Variants in TCF3 observed in about 807,000 individuals in gnomAD.
The protein encoded by TCF3 is transcription factor 3, also known as transcription factor E2-alpha.
A neutral mutation model predicts 72.3 loss-of-function variants in TCF3; 54 were observed. The observed-to-expected ratio is 0.75, with a 90% CI of 0.60 to 0.94. The LOEUF (loss-of-function observed/expected upper bound fraction) is 0.94, where lower values mean the gene tolerates loss of function less well. TCF3 is among the 40% of genes least tolerant of loss of function. The pLI is 0.00. For missense variants in TCF3, 1,078 were observed against 934.4 expected (o/e 1.15, Z -2.00); for synonymous variants, 525 against 412.6 (o/e 1.27, Z -3.30).
chr19:1,627,342 C>T lies in TCF3; in HGVS notation c.366+17G>A, dbSNP rs370834699. The T allele has an allele frequency of 1.8e-4, 290 of 1,601,156 alleles. No homozygotes were observed. In the African/African-American group the frequency reaches 3.1e-3, roughly 17 times the overall value. On this transcript the variant is annotated intron_variant, in intron 6 of 18. Transcript: ENST00000262965. Reference sequence around the variant, plus strand: ...TTTAAAATCAAAATACACCCCAGCCCGGCCCGAGCCCCTCACCTGAGTCAG... The same window carrying T: ...TTTAAAATCAAAATACACCCCAGCCTGGCCCGAGCCCCTCACCTGAGTCAG...
chr19:1,620,537 G>C (rs72989732), intron 13 of TCF3, among the ~76,000 whole-genome samples: 1 of 152,196 alleles, frequency 6.6e-6, no homozygotes, highest in Non-Finnish European at 1.5e-5. Flanking sequence ...TGGCCCCATC[G>C]GACCTGGGAG....
At chr19:1,623,859 CCCG>C (rs1481325633) in intron 8 of TCF3, 89 bp downstream of exon 8, 16 of 1,355,046 alleles carry the variant, frequency 1.2e-5, no homozygotes, top group Non-Finnish European at 1.5e-5. Context: ...CAGGGCCCAC[CCCG>C]CCATGTGTGT....
At chr19:1,632,840 A>G (rs932594197) in intron 3 of TCF3, among the ~76,000 whole-genome samples, 2 of 152,162 alleles carry the variant, frequency 1.3e-5, no homozygotes, top group African/African-American at 2.4e-5. Context: ...TGACAGCATG[A>G]GGGTGTGGAA....
chr19:1,630,929 G>A (rs937820847), intron 5 of TCF3, among the ~76,000 whole-genome samples: 2 of 152,226 alleles, frequency 1.3e-5, no homozygotes, highest in African/African-American at 4.8e-5. Context: ...GACCGCACAC[G>A]GGACACTGTC....
Position 1,622,299 on chromosome 19 carries a change from G to T in TCF3, c.652+14C>A. ...GCCCTACCGTCCCTGGCGAGCCCCC[G>T]CCCTGCCATGTACCTGCCACGTAGA... is the stretch of plus-strand genomic sequence containing the variant. On this transcript the variant is annotated intron_variant, in intron 9 of 18. Transcript: ENST00000262965. The T allele has an allele frequency of 6.6e-7, 1 of 1,515,568 alleles. No homozygotes were observed. 93.9% of individuals were successfully genotyped at this position (1,515,568 alleles called of 1,614,324 possible).
chr19:1,635,422 C>G (rs1000092749), intron 3 of TCF3, among the ~76,000 whole-genome samples: 13 of 152,216 alleles, frequency 8.5e-5, no homozygotes, highest in Admixed American at 7.2e-4. Flanking sequence ...TCATGGCTCC[C>G]CACCGTCCTC....
chr19:1,619,505 C>T, intron 14 of TCF3, 31 bp from the exon 15 acceptor site: 2 of 1,552,238 alleles, frequency 1.3e-6, no homozygotes, highest in South Asian at 2.3e-5. Context: ...TGGTGAGGGG[C>T]CCAAGCCGAG....
rs374369659 is a variant in TCF3, at chr19:1,619,513, G to A, written c.1168-39C>T. 100 of 1,547,490 alleles carry A rather than the reference G, an allele frequency of 6.5e-5. No individual in the cohort carries two copies. In the African/African-American group the frequency reaches 9.5e-4, roughly 15 times the overall value. ...GGATGGGTGGTGAGGGGCCCAAGCC[G>A]AGGGACCCCACAGGCCTCCATTCAT... On this transcript the variant is annotated intron_variant, in intron 14 of 18. Coordinates refer to ENST00000262965, the MANE Select transcript of TCF3 (RefSeq NM_003200.5).
intron 16 of TCF3, among the ~76,000 whole-genome samples, chr19:1,617,437 T>C (rs1342164726): frequency 2.0e-5 from 3 of 152,140 alleles, no homozygotes; most frequent in African/African-American, 7.2e-5. Flanking sequence ...TTGCAAAACA[T>C]GTGGCTTAAG....
At position 1,621,178 on chromosome 19, in the gene TCF3, G is replaced by A. The variant is rs2062156678; in HGVS notation, c.969C>T (p.Thr323=). Residue 323 remains threonine, a synonymous_variant, in exon 12 of 19, where the codon ACC becomes ACT. Coordinates refer to ENST00000262965, the MANE Select transcript of TCF3 (RefSeq NM_003200.5). ...GGGCATCCCCGGAGCTGCCAGCTGT[G>A]GTCCCTCGGGAGCCTGTGGGTGAAG... ...GADSLLGSRG[T]TAGSSGDALG... is the part of the protein sequence containing the mutation. 6.5e-7 allele frequency: 1 copy of A among 1,537,154 alleles called. No individual in the cohort carries two copies. Among genetic ancestry groups the A allele is most frequent in the Non-Finnish European group, 8.7e-7 (1 of 1,146,178 alleles).
At chr19:1,618,554 G>A (rs575926360) in intron 16 of TCF3, among the ~76,000 whole-genome samples, 2 of 96,300 alleles carry the variant, frequency 2.1e-5, no homozygotes, top group South Asian at 3.9e-4. Flanking sequence ...CCAACCCCAC[G>A]GGTCTCCTGG....
intron 2 of TCF3, among the ~76,000 whole-genome samples, chr19:1,648,955 A>T (rs532411560): frequency 6.6e-6 from 1 of 152,180 alleles, no homozygotes; most frequent in African/African-American, 2.4e-5. Context: ...CCGGGCCTTT[A>T]CAGCACCCGT....
chr19:1,630,368 T>A (rs2063556428), intron 5 of TCF3, among the ~76,000 whole-genome samples: 1 of 152,124 alleles, frequency 6.6e-6, no homozygotes, highest in African/African-American at 2.4e-5. Flanking sequence ...CGCTTCCTAC[T>A]CAGGACACCA....
chr19:1,609,833 C>T lies in TCF3; in HGVS notation c.*1874G>A. The T allele has an allele frequency of 4.3e-6, 1 of 232,002 alleles. No homozygotes were observed. Among genetic ancestry groups the T allele is most frequent in the Non-Finnish European group, 8.5e-6 (1 of 117,342 alleles). 14.4% of individuals were successfully genotyped at this position (232,002 alleles called of 1,614,324 possible). A position where few individuals can be genotyped will look rare whatever the true frequency, so the allele number is the denominator to read the frequency against. On this transcript the variant is annotated 3_prime_UTR_variant, in exon 19 of 19. Coordinates refer to ENST00000262965, the MANE Select transcript of TCF3 (RefSeq NM_003200.5). ...AGTCTGGGGAGGGGAGTCAGGCAGT[C>T]CAGGATCTCCTGGGGGTAACGGTGG...
rs2063831412 is a variant in TCF3, at chr19:1,632,501, C to T, written c.146-96G>A. The T allele has an allele frequency of 1.7e-5, 23 of 1,346,238 alleles. No individual in the cohort carries two copies. The South Asian group carries it at 2.5e-4, about 15-fold the overall frequency. The allele number at this position is 1,346,238 out of a possible 1,614,324, so 83.4% of individuals were successfully genotyped here. ...TCTCAGGGGCAAACCTCAGTGGACCCGGGGGGCTTGTGGAACCCTTCCTAA... is the reference window on the plus strand; with the variant it reads ...TCTCAGGGGCAAACCTCAGTGGACCTGGGGGGCTTGTGGAACCCTTCCTAA... On this transcript the variant is annotated intron_variant, in intron 3 of 18. Coordinates refer to ENST00000262965, the MANE Select transcript of TCF3 (RefSeq NM_003200.5).
chr19:1,648,140 T>G (rs2066407584), intron 2 of TCF3, among the ~76,000 whole-genome samples: 1 of 152,222 alleles, frequency 6.6e-6, no homozygotes, highest in South Asian at 2.1e-4. Context: ...CAGCCTGGGT[T>G]AGCGTTCTCC....
intron 5 of TCF3, 72 bp downstream of exon 5, chr19:1,631,966 C>T (rs1402509420): frequency 1.3e-6 from 2 of 1,570,506 alleles, no homozygotes; most frequent in Non-Finnish European, 1.7e-6. Flanking sequence ...GCTGTGCGTG[C>T]ACTGACCATG....
At chr19:1,642,256 G>GCGCACACACGCACGCACACACGCA (rs150479730) in intron 3 of TCF3, among the ~76,000 whole-genome samples, 1 of 150,654 alleles carries the variant, frequency 6.6e-6, no homozygotes, top group Non-Finnish European at 1.5e-5. Flanking sequence ...ACACACACGT[G>GCGCACACACGCACGCACACACGCA]CGCACACACG....
chr19:1,618,979 G>A (rs981594973), intron 16 of TCF3, 132 bp downstream of exon 16: 3 of 1,453,528 alleles, frequency 2.1e-6, no homozygotes, highest in African/African-American at 1.4e-5. Context: ...GTTGCTGACT[G>A]GGGCGCCCAT....
Sources: gnomAD v4.1 joint callset for allele counts (sites outside exome capture counted in the v4.1 genomes callset) on GRCh38, gnomAD v4.1.1 for gene constraint, MANE v1.5 for transcripts, NCBI Gene and HGNC (gene_info 2026-07-23, HGNC 2026-07-21) for gene names.